The following ITGA9 variants were observed in gnomAD, a reference collection of about 807,000 sequenced individuals.
The protein encoded by ITGA9 is integrin subunit alpha 9.
ITGA9 carries 56 observed loss-of-function variants against 127.8 expected under a neutral mutation model. The observed-to-expected ratio is 0.44, with a 90% CI of 0.35 to 0.55. The LOEUF (loss-of-function observed/expected upper bound fraction) is 0.55. Among genes scored for constraint, ITGA9 ranks in the 20% least tolerant of loss-of-function variants. The pLI is 0.00. For synonymous variants in ITGA9, 508 were observed against 514.5 expected (o/e 0.99, Z 0.17); for missense variants, 1,196 against 1,347.1 (o/e 0.89, Z 1.76).
intron 3 of ITGA9, among the ~76,000 whole-genome samples, chr3:37,481,204 A>G (rs1579053989): frequency 6.6e-6 from 1 of 152,008 alleles, no homozygotes; most frequent in Admixed American, 6.5e-5. Flanking sequence ...CAGATTCTCT[A>G]TTCTATAACC....
chr3:37,676,423 A>G (rs1700683084), intron 17 of ITGA9, among the ~76,000 whole-genome samples: 1 of 152,210 alleles, frequency 6.6e-6, no homozygotes, highest in African/African-American at 2.4e-5. Flanking sequence ...TCAATAGGCA[A>G]GGGAGCTGGG....
chr3:37,554,475 A>T (rs563609485), intron 15 of ITGA9, among the ~76,000 whole-genome samples: 4 of 151,526 alleles, frequency 2.6e-5, no homozygotes, highest in Middle Eastern at 3.4e-3. Flanking sequence ...GGGGGATGGG[A>T]GTGTGTGAGG....
In ITGA9 at chr3:37,559,494, CCT is replaced by C. The variant is rs143595133; in HGVS notation, c.1689+16912_1689+16913del. Among the ~76,000 whole-genome samples, 437 of 152,284 alleles carry C rather than the reference CCT, an allele frequency of 2.9e-3. 1 individual carries two copies. Among genetic ancestry groups the C allele is most frequent in the African/African-American group, 9.8e-3 (408 of 41,546 alleles). On this transcript the variant is annotated intron_variant, in intron 15 of 27. Coordinates refer to ENST00000264741, the MANE Select transcript of ITGA9 (RefSeq NM_002207.3). The stretch of plus-strand genomic sequence containing the variant: ...AAATACGCAAATGCATCAGAAGAGT[CCT>C]CTGTAAATCCACTGAGCTGGAATTT...
In ITGA9 at chr3:37,814,457, T is replaced by C. The variant is rs907609786; in HGVS notation, c.3010-4434T>C. 6.6e-6 allele frequency among the ~76,000 whole-genome samples: 1 copy of C among 152,066 alleles called. No homozygotes were observed. The highest frequency in any genetic ancestry group is 1.5e-5 in the Non-Finnish European group (1 of 68,002). On this transcript the variant is annotated intron_variant, in intron 27 of 27. Transcript: ENST00000264741. This position sits in a 1 kb window ranked among gnomAD's most constrained non-coding sequence, Gnocchi z 4.3. ...GTGCAGACCTGTAATTCCAGCTACT[T>C]GGGAGGCTGAGGCAGGAGAATCGCT... is the stretch of plus-strand genomic sequence containing the variant.
chr3:37,719,989 G>C (rs1024572511), intron 18 of ITGA9, among the ~76,000 whole-genome samples: 1 of 152,142 alleles, frequency 6.6e-6, no homozygotes, highest in Middle Eastern at 3.2e-3. Flanking sequence ...GTCTTCGTGG[G>C]GTGAATATCA....
intron 5 of ITGA9, 98 bp downstream of exon 5, chr3:37,494,666 C>A: frequency 1.0e-6 from 1 of 952,552 alleles, no homozygotes; most frequent in South Asian, 1.4e-5. Flanking sequence ...CTTCTGGAGT[C>A]CCAGATACTT....
At position 37,736,847 on chromosome 3, in the gene ITGA9, G is replaced by A. The variant is rs1472475692; in HGVS notation, c.2155-57G>A. On this transcript the variant is annotated intron_variant, in intron 19 of 27. Coordinates refer to ENST00000264741, the MANE Select transcript of ITGA9 (RefSeq NM_002207.3). ...GTCATAAACTGCAGAAGATGGAAGA[G>A]AACAGTTTAAGTTTGGAATGCCTGC... The A allele has an allele frequency of 4.5e-6, 5 of 1,107,480 alleles. No homozygotes were observed. The African/African-American group carries it at 7.7e-5, about 17-fold the overall frequency. The allele number at this position is 1,107,480 out of a possible 1,614,324, so 68.6% of individuals were successfully genotyped here. A position where few individuals can be genotyped will look rare whatever the true frequency, so the allele number is the denominator to read the frequency against.
At chr3:37,611,444 C>T (rs980700971) in intron 15 of ITGA9, among the ~76,000 whole-genome samples, 10 of 152,018 alleles carry the variant, frequency 6.6e-5, no homozygotes, top group African/African-American at 1.9e-4. Context: ...CCATTAGTGA[C>T]CTTGTTAAAA....
intron 4 of ITGA9, among the ~76,000 whole-genome samples, chr3:37,494,197 T>G (rs572606107): frequency 1.3e-5 from 2 of 152,258 alleles, no homozygotes; most frequent in South Asian, 4.2e-4. Context: ...CTGGAGTAAA[T>G]GAAATAATTG....
intron 15 of ITGA9, among the ~76,000 whole-genome samples, chr3:37,605,011 T>C (rs1305760856): frequency 6.6e-6 from 1 of 152,162 alleles, no homozygotes; most frequent in Non-Finnish European, 1.5e-5. Context: ...TACCGTCTAA[T>C]AGGAATGATA....
chr3:37,684,460 G>A (rs1700762544), intron 18 of ITGA9, among the ~76,000 whole-genome samples: 1 of 152,074 alleles, frequency 6.6e-6, no homozygotes, highest in East Asian at 1.9e-4. Context: ...CACTGCTTTG[G>A]CCTGTGCTTT....
intron 18 of ITGA9, among the ~76,000 whole-genome samples, chr3:37,696,433 C>T (rs1336899867): frequency 1.3e-5 from 2 of 152,186 alleles, no homozygotes; most frequent in African/African-American, 4.8e-5. Context: ...CTTATTTTCA[C>T]AAAATGAAGC....
intron 23 of ITGA9, among the ~76,000 whole-genome samples, chr3:37,756,038 CAAAAT>C (rs915266760): frequency 1.2e-4 from 18 of 151,060 alleles, no homozygotes; most frequent in Non-Finnish European, 2.2e-4. Flanking sequence ...TTTCAATAAT[CAAAAT>C]AATAATTAAT....
At chr3:37,502,250 T>C (rs929258503) in intron 5 of ITGA9, among the ~76,000 whole-genome samples, 2 of 148,680 alleles carry the variant, frequency 1.3e-5, no homozygotes, top group Non-Finnish European at 3.0e-5. Context: ...AGTCTTGCTA[T>C]GTCACCCAGG....
intron 18 of ITGA9, among the ~76,000 whole-genome samples, chr3:37,696,335 T>C (rs1700884605): frequency 6.6e-6 from 1 of 152,172 alleles, no homozygotes; most frequent in Non-Finnish European, 1.5e-5. Context: ...GCCCAGTGAG[T>C]CTACTCCCTT....
At chr3:37,585,273 G>A (rs1364180265) in intron 15 of ITGA9, among the ~76,000 whole-genome samples, 1 of 152,152 alleles carries the variant, frequency 6.6e-6, no homozygotes, top group East Asian at 1.9e-4. Context: ...GGATACAGTA[G>A]GTGCTCAATA....
chr3:37,577,631 C>T (rs763205834), intron 15 of ITGA9, among the ~76,000 whole-genome samples: 1 of 152,222 alleles, frequency 6.6e-6, no homozygotes, highest in Non-Finnish European at 1.5e-5. Context: ...TTCCTTCAAC[C>T]CCCTTACATG....
intron 10 of ITGA9, among the ~76,000 whole-genome samples, chr3:37,518,472 T>A (rs560394846): frequency 3.0e-4 from 45 of 152,302 alleles, no homozygotes; most frequent in African/African-American, 1.1e-3. Flanking sequence ...GAGTTGCCAG[T>A]TTGTGAGAGT....
At chr3:37,721,808 C>T (rs1462060514) in intron 18 of ITGA9, among the ~76,000 whole-genome samples, 1 of 152,202 alleles carries the variant, frequency 6.6e-6, no homozygotes, top group Admixed American at 6.5e-5. Flanking sequence ...TGCTCCACAC[C>T]TCTTCAGACT....
Sources: gnomAD v4.1 joint callset for allele counts (sites outside exome capture counted in the v4.1 genomes callset) on GRCh38, gnomAD v4.1.1 for gene constraint, Gnocchi (gnomAD v3.1) non-coding constraint, MANE v1.5 for transcripts, NCBI Gene and HGNC (gene_info 2026-07-23, HGNC 2026-07-21) for gene names.